Variants in COL26A1 observed in about 807,000 individuals in gnomAD.
COL26A1 encodes the protein collagen alpha-1(XXVI) chain.
COL26A1 carries 41 observed loss-of-function variants against 59.3 expected under a neutral mutation model. That is an observed-to-expected ratio of 0.69 (90% confidence interval 0.54 to 0.90). The LOEUF is 0.90. Among genes scored for constraint, COL26A1 ranks in the 40% least tolerant of loss-of-function variants. The pLI, the probability that COL26A1 is intolerant of heterozygous loss-of-function variation, is 0.00. For synonymous variants in COL26A1, 266 were observed against 256.0 expected (o/e 1.04, Z -0.37); for missense variants, 612 against 602.3 (o/e 1.02, Z -0.17).
intron 3 of COL26A1, among the ~76,000 whole-genome samples, chr7:101,479,765 ATTTG>A (rs1794118428): frequency 6.6e-6 from 1 of 151,888 alleles, no homozygotes; most frequent in South Asian, 2.1e-4. Flanking sequence ...TCCTTTTATT[ATTTG>A]TTTGTTTGCA....
chr7:101,364,821 C>T (rs1584341111), intron 1 of COL26A1, among the ~76,000 whole-genome samples: 1 of 152,264 alleles, frequency 6.6e-6, no homozygotes, highest in Admixed American at 6.5e-5. Context: ...CCTCCTGCCT[C>T]GGCCTCCCAA....
At chr7:101,495,856 G>A (rs1228671602) in intron 3 of COL26A1, among the ~76,000 whole-genome samples, 1 of 151,504 alleles carries the variant, frequency 6.6e-6, no homozygotes, top group African/African-American at 2.4e-5. Flanking sequence ...CACTTTGGGA[G>A]GCCGAGGCGG....
intron 1 of COL26A1, among the ~76,000 whole-genome samples, chr7:101,386,443 TA>T (rs112926865): frequency 0.023 from 3,509 of 151,934 alleles, 149 homozygotes; most frequent in African/African-American, 0.079. Flanking sequence ...TTTTTTGAGA[TA>T]GGGTTTCACT....
At chr7:101,540,616 G>A (rs1795594930) in intron 5 of COL26A1, among the ~76,000 whole-genome samples, 4 of 151,852 alleles carry the variant, frequency 2.6e-5, no homozygotes, top group Admixed American at 2.6e-4. Context: ...ACTTTGGAAG[G>A]TCAAGGCAGG....
intron 3 of COL26A1, among the ~76,000 whole-genome samples, chr7:101,448,333 A>G (rs909288745): frequency 1.3e-5 from 2 of 152,152 alleles, no homozygotes; most frequent in African/African-American, 4.8e-5. Flanking sequence ...GTCACATAAC[A>G]GCACTTAGGT....
At chr7:101,529,036 C>T (rs1178204459) in intron 3 of COL26A1, among the ~76,000 whole-genome samples, 1 of 151,858 alleles carries the variant, frequency 6.6e-6, no homozygotes, top group East Asian at 2.0e-4. Flanking sequence ...CACGGTGGCA[C>T]GTGACTGTAG....
intron 3 of COL26A1, among the ~76,000 whole-genome samples, chr7:101,490,054 A>C (rs1189305028): frequency 6.6e-6 from 1 of 150,512 alleles, no homozygotes; most frequent in Non-Finnish European, 1.5e-5. Flanking sequence ...CTACTGTCTC[A>C]GCCTCTCAAG....
Position 101,363,141 on chromosome 7 carries a change from T to A in COL26A1, c.109T>A (p.Tyr37Asn). The change falls in exon 1 of 13, where the codon TAC becomes AAC. Residue 37 changes from tyrosine (Y) to asparagine (N), a missense_variant. By Grantham distance (143) the Tyr-to-Asn change is moderately radical. Coordinates refer to ENST00000313669, the MANE Select transcript of COL26A1 (RefSeq NM_001278563.3). ...FSAAALQQHG[Y>N]PEPGAGSPGS... ...GGCCGCAGCTCTGCAGCAGCACGGC[T>A]ACCCCGAGCCCGGCGCCGGCTCCCC... 6.8e-7 allele frequency: 1 copy of A among 1,477,436 alleles called. No individual in the cohort carries two copies. The highest frequency in any genetic ancestry group is 8.9e-7 in the Non-Finnish European group (1 of 1,118,386). The allele number at this position is 1,477,436 out of a possible 1,614,324, so 91.5% of individuals were successfully genotyped here.
chr7:101,441,872 C>A (rs1044241572), intron 2 of COL26A1, among the ~76,000 whole-genome samples: 1 of 152,166 alleles, frequency 6.6e-6, no homozygotes, highest in Admixed American at 6.5e-5. Flanking sequence ...CATCCATGCA[C>A]CCCTCCTGCA....
intron 3 of COL26A1, among the ~76,000 whole-genome samples, chr7:101,509,462 A>G (rs759745014): frequency 5.3e-5 from 8 of 152,066 alleles, no homozygotes; most frequent in Non-Finnish European, 1.2e-4. Flanking sequence ...AAGAAAAAAG[A>G]AAAGAAGAAC....
chr7:101,362,987 G>C lies in COL26A1; in HGVS notation c.-46G>C, dbSNP rs1033367272. ...GTCCGGGCGCCGGTGCGCTCCTGCC[G>C]GTCCTCGTGCCCGGGACTCCGGGTC... On this transcript the variant is annotated 5_prime_UTR_variant, in exon 1 of 13. Transcript: ENST00000313669. 4.0e-5 allele frequency: 61 copies of C among 1,535,866 alleles called. No individual in the cohort carries two copies. Among genetic ancestry groups the C allele is most frequent in the Non-Finnish European group, 4.8e-5 (55 of 1,150,224 alleles).
chr7:101,406,523 G>T (rs1370427987), intron 1 of COL26A1, among the ~76,000 whole-genome samples: 2 of 152,148 alleles, frequency 1.3e-5, no homozygotes, highest in Admixed American at 6.5e-5. Flanking sequence ...GGGGGCTGTT[G>T]GGGGGCTATG....
intron 1 of COL26A1, among the ~76,000 whole-genome samples, chr7:101,372,456 C>T (rs1791217483): frequency 6.6e-6 from 1 of 151,400 alleles, no homozygotes; most frequent in Admixed American, 6.6e-5. Context: ...GCCACCGCAC[C>T]TGGCCTTCTG....
intron 3 of COL26A1, among the ~76,000 whole-genome samples, chr7:101,502,151 G>A (rs1279919123): frequency 6.6e-6 from 1 of 152,150 alleles, no homozygotes; most frequent in African/African-American, 2.4e-5. Context: ...AGACCAGCCT[G>A]GCCAACAGGA....
intron 1 of COL26A1, among the ~76,000 whole-genome samples, chr7:101,419,104 CCCTCCCCTCT>C (rs1256524406): frequency 7.7e-6 from 1 of 130,694 alleles, no homozygotes; most frequent in Non-Finnish European, 1.6e-5. Context: ...CCCTCCCCTC[CCCTCCCCTCT>C]TCTCCCTTCC....
rs1486936665 is a variant in COL26A1, at chr7:101,489,860, T to TG, written c.385+42073_385+42074insG. 1.8e-4 allele frequency among the ~76,000 whole-genome samples: 8 copies of TG among 44,690 alleles called. 1 individual carries two copies. The highest frequency in any genetic ancestry group is 4.6e-4 in the East Asian group (1 of 2,180). The allele number at this position is 44,690 out of a possible 152,430, so 29.3% of individuals were successfully genotyped here. On this transcript the variant is annotated intron_variant, in intron 3 of 12. Coordinates refer to ENST00000313669, the MANE Select transcript of COL26A1 (RefSeq NM_001278563.3). Reference sequence around the variant, plus strand: ...TTTCTTTCTTTCTTTCTTTCTTTCTTTCTTTCTTTCTTTCTTTCTTTCTTT... The same window carrying TG: ...TTTCTTTCTTTCTTTCTTTCTTTCTTGTCTTTCTTTCTTTCTTTCTTTCTTT...
At chr7:101,504,082 C>T (rs918133970) in intron 3 of COL26A1, among the ~76,000 whole-genome samples, 4 of 152,138 alleles carry the variant, frequency 2.6e-5, no homozygotes, top group African/African-American at 9.7e-5. Context: ...GAGCTCACTA[C>T]CCCAGCTGAG....
chr7:101,399,408 C>T (rs1252390148), intron 1 of COL26A1, among the ~76,000 whole-genome samples: 1 of 152,162 alleles, frequency 6.6e-6, no homozygotes, highest in African/African-American at 2.4e-5. Context: ...ACTGGAACCT[C>T]CATCTCCTGT....
intron 3 of COL26A1, among the ~76,000 whole-genome samples, chr7:101,476,326 T>G (rs1047438961): frequency 6.6e-6 from 1 of 152,144 alleles, no homozygotes; most frequent in Non-Finnish European, 1.5e-5. Flanking sequence ...TATATGCCCA[T>G]GTGTTAGTGT....
Sources: allele counts gnomAD v4.1 joint callset (sites outside exome capture counted in the v4.1 genomes callset), GRCh38; gene constraint gnomAD v4.1.1; transcripts MANE v1.5; gene names NCBI Gene and HGNC (gene_info 2026-07-23, HGNC 2026-07-21).